Variants in THSD7B observed in about 807,000 individuals in gnomAD.
THSD7B encodes thrombospondin type 1 domain containing 7B, also known as thrombospondin type-1 domain-containing protein 7B.
A neutral mutation model predicts 213.6 loss-of-function variants in THSD7B; 138 were observed. The ratio of observed to expected loss-of-function variants is 0.65; its 90% CI spans 0.56 to 0.74. THSD7B has a LOEUF of 0.74. Ranked by LOEUF, THSD7B falls within the 30% of genes least tolerant of loss-of-function variation. The pLI is 0.00. For synonymous variants in THSD7B, 742 were observed against 687.0 expected (o/e 1.08, Z -1.25); for missense variants, 1,931 against 1,991.5 (o/e 0.97, Z 0.58).
At chr2:136,913,800 C>T (rs1414648963) in intron 2 of THSD7B, among the ~76,000 whole-genome samples, 1 of 152,226 alleles carries the variant, frequency 6.6e-6, no homozygotes, top group Non-Finnish European at 1.5e-5. Flanking sequence ...ACCTGGATGC[C>T]CAGGCAAATT....
intron 12 of THSD7B, among the ~76,000 whole-genome samples, chr2:137,353,353 T>C (rs1338921291): frequency 6.6e-6 from 1 of 152,106 alleles, no homozygotes; most frequent in East Asian, 1.9e-4. Flanking sequence ...TGAATGATTG[T>C]TAACCCTTGA....
At chr2:136,799,365 C>T (rs1251346787) in intron 1 of THSD7B, among the ~76,000 whole-genome samples, 1 of 151,868 alleles carries the variant, frequency 6.6e-6, no homozygotes, top group Non-Finnish European at 1.5e-5. Flanking sequence ...CAGCAAGAAC[C>T]ATTGATTAGA....
At chr2:137,581,323 C>CA (rs1221839877) in intron 17 of THSD7B, among the ~76,000 whole-genome samples, 3 of 152,166 alleles carry the variant, frequency 2.0e-5, no homozygotes, top group African/African-American at 4.8e-5. Context: ...TGCAGTGGTT[C>CA]ACGCCTGTAA....
chr2:137,241,269 T>C (rs1457186162), intron 9 of THSD7B, among the ~76,000 whole-genome samples: 1 of 152,224 alleles, frequency 6.6e-6, no homozygotes, highest in African/African-American at 2.4e-5. Context: ...GGAAACAGAA[T>C]TTAAAAACCA....
intron 2 of THSD7B, among the ~76,000 whole-genome samples, chr2:137,044,991 T>A (rs567533110): frequency 6.6e-6 from 1 of 152,228 alleles, no homozygotes; most frequent in East Asian, 1.9e-4. Flanking sequence ...AATGGCAACA[T>A]GTTTCTCTTC....
intron 12 of THSD7B, among the ~76,000 whole-genome samples, chr2:137,349,028 C>T (rs924695941): frequency 1.7e-4 from 24 of 142,210 alleles, no homozygotes; most frequent in South Asian, 4.5e-4. Context: ...TGTGTAGATG[C>T]GTGTGTGTGA....
At chr2:137,610,862 A>C (rs1558858993) in intron 17 of THSD7B, among the ~76,000 whole-genome samples, 1 of 151,928 alleles carries the variant, frequency 6.6e-6, no homozygotes, top group Non-Finnish European at 1.5e-5. Context: ...TCTGGCATTT[A>C]AAGAAGAAAA....
chr2:137,641,237 C>T (rs1215064621), intron 20 of THSD7B, among the ~76,000 whole-genome samples: 1 of 152,198 alleles, frequency 6.6e-6, no homozygotes, highest in African/African-American at 2.4e-5. Context: ...GCTGCACTGG[C>T]TTCTGTCAGG....
intron 7 of THSD7B, among the ~76,000 whole-genome samples, chr2:137,177,370 T>C (rs1009055388): frequency 1.3e-5 from 2 of 152,160 alleles, no homozygotes; most frequent in East Asian, 1.9e-4. Flanking sequence ...ATTGGAATAG[T>C]TCTGAAAAAG....
chr2:136,959,895 G>C (rs75281238), intron 2 of THSD7B, among the ~76,000 whole-genome samples: 3 of 152,290 alleles, frequency 2.0e-5, no homozygotes, highest in African/African-American at 7.2e-5. Context: ...TTAAGTTGAG[G>C]AAAAGGACCA....
intron 1 of THSD7B, among the ~76,000 whole-genome samples, chr2:136,769,896 C>T (rs1329763031): frequency 2.6e-5 from 4 of 152,156 alleles, no homozygotes; most frequent in Non-Finnish European, 4.4e-5. Flanking sequence ...ACATGATGCT[C>T]GCTTTTGATT....
At chr2:137,212,996 T>C (rs946270604) in intron 7 of THSD7B, among the ~76,000 whole-genome samples, 4 of 148,184 alleles carry the variant, frequency 2.7e-5, no homozygotes, top group Non-Finnish European at 5.9e-5. Context: ...ACAACAAAAA[T>C]TGTTCTAAAT....
At position 137,378,744 on chromosome 2, in the gene THSD7B, C is replaced by T. The variant is rs1419281497; in HGVS notation, c.2501-26869C>T. ...GGAGCACCTGTGATTCCCACCTCCC[C>T]CAACCACTCCCTAAGCCAGAGCTGG... On this transcript the variant is annotated intron_variant, in intron 12 of 27. Transcript: ENST00000409968. Among the ~76,000 whole-genome samples, 6 of 152,112 alleles carry T rather than the reference C, an allele frequency of 3.9e-5. No homozygotes were observed. The East Asian group carries it at 1.2e-3, about 29-fold the overall frequency.
intron 1 of THSD7B, among the ~76,000 whole-genome samples, chr2:136,802,885 T>A (rs1341903295): frequency 6.6e-6 from 1 of 151,620 alleles, no homozygotes; most frequent in Admixed American, 6.6e-5. Flanking sequence ...ATTATTTAGA[T>A]CTTTATTATC....
At chr2:137,603,323 G>T (rs1299389323) in intron 17 of THSD7B, among the ~76,000 whole-genome samples, 1 of 152,180 alleles carries the variant, frequency 6.6e-6, no homozygotes, top group Admixed American at 6.5e-5. Flanking sequence ...TTTTATTTCT[G>T]CAGACAGCGA....
At chr2:137,237,094 T>G (rs570034571) in intron 9 of THSD7B, among the ~76,000 whole-genome samples, 1 of 88,872 alleles carries the variant, frequency 1.1e-5, no homozygotes, top group African/African-American at 4.4e-5. Context: ...GCCTGGGCAA[T>G]AAGAGAGAAA....
intron 6 of THSD7B, among the ~76,000 whole-genome samples, chr2:137,160,858 G>T (rs192358439): frequency 6.6e-6 from 1 of 152,010 alleles, no homozygotes; most frequent in African/African-American, 2.4e-5. Flanking sequence ...TCCTGACCTC[G>T]TGATCTGCCC....
chr2:137,549,902 A>G (rs910611081), intron 15 of THSD7B, among the ~76,000 whole-genome samples: 1 of 152,086 alleles, frequency 6.6e-6, no homozygotes, highest in Non-Finnish European at 1.5e-5. Context: ...AGTATCAATC[A>G]TAGCTAGCAT....
At chr2:136,811,437 C>G (rs1682375352) in intron 1 of THSD7B, among the ~76,000 whole-genome samples, 1 of 152,042 alleles carries the variant, frequency 6.6e-6, no homozygotes. Flanking sequence ...CCTCCACCTT[C>G]TTGGGATGGT....
Sources: allele counts gnomAD v4.1 joint callset (sites outside exome capture counted in the v4.1 genomes callset), GRCh38; gene constraint gnomAD v4.1.1; transcripts MANE v1.5; gene names NCBI Gene and HGNC (gene_info 2026-07-23, HGNC 2026-07-21).